MINPP1: variants seen among roughly 807,000 people sequenced by gnomAD.
The protein encoded by MINPP1 is multiple inositol-polyphosphate phosphatase 1.
A neutral mutation model predicts 46.1 loss-of-function variants in MINPP1; 28 were observed. The ratio of observed to expected loss-of-function variants is 0.61; its 90% CI spans 0.45 to 0.83. The LOEUF is 0.83. Among genes scored for constraint, MINPP1 ranks in the 40% least tolerant of loss-of-function variants. The probability of loss-of-function intolerance (pLI) is 0.00; values close to 1 mark genes in which losing one functional copy is unlikely to be tolerated. For missense variants in MINPP1, 603 were observed against 610.0 expected (o/e 0.99, Z 0.12); for synonymous variants, 268 against 249.1 (o/e 1.08, Z -0.72).
chr10:87,511,229 G>A (rs1851330044), intron 2 of MINPP1, among the ~76,000 whole-genome samples: 1 of 152,188 alleles, frequency 6.6e-6, no homozygotes, highest in African/African-American at 2.4e-5. Context: ...CTTGTTGTAT[G>A]TTGCTAATAT....
At chr10:87,525,070 CT>C (rs1310609234) in intron 4 of MINPP1, among the ~76,000 whole-genome samples, 1 of 152,128 alleles carries the variant, frequency 6.6e-6, no homozygotes, top group African/African-American at 2.4e-5. Context: ...TGCCACAAAC[CT>C]TCCATTTGTG....
chr10:87,512,458 C>A (rs1374350176), intron 2 of MINPP1, among the ~76,000 whole-genome samples: 3 of 152,064 alleles, frequency 2.0e-5, no homozygotes, highest in Admixed American at 6.6e-5. Context: ...CACTTCCTTC[C>A]CTCTCCATCT....
intron 4 of MINPP1, among the ~76,000 whole-genome samples, chr10:87,527,911 C>A (rs1851600581): frequency 6.6e-6 from 1 of 152,108 alleles, no homozygotes; most frequent in East Asian, 1.9e-4. Flanking sequence ...TTCAGGGATT[C>A]ACCTTCTTCC....
intron 4 of MINPP1, among the ~76,000 whole-genome samples, chr10:87,537,177 T>C (rs1366211588): frequency 6.6e-6 from 1 of 152,148 alleles, no homozygotes; most frequent in Non-Finnish European, 1.5e-5. Context: ...CCTCAGATAA[T>C]CCACCCACCT....
intron 4 of MINPP1, among the ~76,000 whole-genome samples, 180 bp downstream of exon 4, chr10:87,521,349 C>T (rs1851498875): frequency 6.6e-6 from 1 of 152,044 alleles, no homozygotes; most frequent in South Asian, 2.1e-4. Flanking sequence ...ACGAACCTTC[C>T]ACTCTACCCA....
intron 3 of MINPP1, among the ~76,000 whole-genome samples, chr10:87,515,504 GAAATT>G (rs1851400832): frequency 1.3e-5 from 2 of 152,116 alleles, no homozygotes; most frequent in Non-Finnish European, 2.9e-5. Context: ...CATGTGAAAA[GAAATT>G]AAATTCTTCT....
chr10:87,530,107 A>T (rs770931849), intron 4 of MINPP1, among the ~76,000 whole-genome samples: 1 of 152,158 alleles, frequency 6.6e-6, no homozygotes, highest in Non-Finnish European at 1.5e-5. Flanking sequence ...CCATTCGTCT[A>T]ATCTTTTTTC....
chr10:87,527,677 T>C (rs922979901), intron 4 of MINPP1, among the ~76,000 whole-genome samples: 2 of 152,090 alleles, frequency 1.3e-5, no homozygotes, highest in African/African-American at 4.8e-5. Context: ...AATTCTTTTT[T>C]TTTGTTGTGT....
chr10:87,551,456 CAGCTCAGTGTTG>C, intron 4 of MINPP1, among the ~76,000 whole-genome samples: 1 of 152,034 alleles, frequency 6.6e-6, no homozygotes, highest in African/African-American at 2.4e-5. Context: ...AGAATTGATT[CAGCTCAGTGTTG>C]AAAGTGGTTT....
intron 4 of MINPP1, among the ~76,000 whole-genome samples, chr10:87,547,188 T>G (rs549049124): frequency 1.3e-5 from 2 of 152,216 alleles, no homozygotes; most frequent in South Asian, 4.1e-4. Context: ...CTTGGCTCAC[T>G]GTGACCACTG....
chr10:87,527,724 A>G (rs546175925), intron 4 of MINPP1, among the ~76,000 whole-genome samples: 3 of 152,166 alleles, frequency 2.0e-5, no homozygotes, highest in African/African-American at 7.2e-5. Context: ...GGCCTCATAA[A>G]ATGAGTTAGG....
intron 4 of MINPP1, among the ~76,000 whole-genome samples, chr10:87,528,803 G>A (rs1294672232): frequency 1.3e-5 from 2 of 152,196 alleles, no homozygotes; most frequent in Non-Finnish European, 2.9e-5. Context: ...GATGTTGACA[G>A]TGGGGTGTTA....
At position 87,505,433 on chromosome 10, in the gene MINPP1, A is replaced by G; in HGVS notation, c.518A>G (p.Asn173Ser). The G allele has an allele frequency of 6.2e-7, 1 of 1,613,346 alleles. No homozygotes were observed. Among genetic ancestry groups the G allele is most frequent in the Non-Finnish European group, 8.5e-7 (1 of 1,179,680 alleles). Residue 173 changes from asparagine (N) to serine (S), a missense_variant, in exon 1 of 5, where the codon AAC (asparagine) becomes AGC (serine). By Grantham distance (46) the Asn-to-Ser change is conservative (BLOSUM62 1). Around this residue, in one of 3 missense-constraint regions of MINPP1, gnomAD observed 344 missense variants for 381.1 expected, o/e 0.90. Coordinates refer to ENST00000371996, the MANE Select transcript of MINPP1 (RefSeq NM_004897.5). The surrounding 1 kb of genome is among the most constrained non-coding windows in gnomAD (Gnocchi z 4.4). ...SLFPALFSRENYGRLRLITSS... is the reference protein window; with the variant it reads ...SLFPALFSRESYGRLRLITSS... ...TTCCCGGCCCTTTTCAGCCGTGAGAACTACGGCCGCCTGCGGCTCATCACC... is the reference window on the plus strand; with the variant it reads ...TTCCCGGCCCTTTTCAGCCGTGAGAGCTACGGCCGCCTGCGGCTCATCACC...
chr10:87,517,669 G>A (rs945979711), intron 3 of MINPP1, among the ~76,000 whole-genome samples: 1 of 151,926 alleles, frequency 6.6e-6, no homozygotes, highest in African/African-American at 2.4e-5. Flanking sequence ...TTTAGTTTGG[G>A]GCTATTATGA....
chr10:87,534,042 A>ATTT (rs58579107), intron 4 of MINPP1, among the ~76,000 whole-genome samples: 1 of 55,368 alleles, frequency 1.8e-5, no homozygotes, highest in African/African-American at 7.4e-5. Context: ...CTGGCTAAAT[A>ATTT]TTTTTTTTTT....
At chr10:87,547,604 G>A (rs1851906209) in intron 4 of MINPP1, among the ~76,000 whole-genome samples, 1 of 152,034 alleles carries the variant, frequency 6.6e-6, no homozygotes, top group African/African-American at 2.4e-5. Context: ...TGGATCTTTA[G>A]CACTTTTGGA....
rs975893685 is a variant in MINPP1, at chr10:87,505,903, A to G, written c.637+351A>G. ...AACTGAATTGCCCCTTCGAGCGCCA[A>G]CCCATCCCTTCCCCCTTCCCTGGCG... is the stretch of plus-strand genomic sequence containing the variant. On this transcript the variant is annotated intron_variant, in intron 1 of 4. Coordinates refer to ENST00000371996, the MANE Select transcript of MINPP1 (RefSeq NM_004897.5). This position sits in a 1 kb window ranked among gnomAD's most constrained non-coding sequence, Gnocchi z 4.4. Among the ~76,000 whole-genome samples the G allele has an allele frequency of 8.6e-5, 13 of 151,626 alleles. No homozygotes were observed. The highest frequency in any genetic ancestry group is 7.9e-4 in the Admixed American group (12 of 15,218).
intron 1 of MINPP1, among the ~76,000 whole-genome samples, chr10:87,506,349 A>C (rs567384233): frequency 6.6e-6 from 1 of 152,150 alleles, no homozygotes; most frequent in South Asian, 2.1e-4. Context: ...TTTTCCTAGA[A>C]TGGTTCTTTT....
intron 4 of MINPP1, among the ~76,000 whole-genome samples, chr10:87,528,735 C>T (rs1203578426): frequency 1.3e-5 from 2 of 152,158 alleles, no homozygotes; most frequent in East Asian, 3.8e-4. Flanking sequence ...CTGCTTGGTG[C>T]AGAGCTGAGT....
Sources: allele counts gnomAD v4.1 joint callset (sites outside exome capture counted in the v4.1 genomes callset), GRCh38; gene constraint gnomAD v4.1.1; regional missense constraint gnomAD v4.1.1; non-coding constraint Gnocchi (gnomAD v3.1); transcripts MANE v1.5; gene names NCBI Gene and HGNC (gene_info 2026-07-23, HGNC 2026-07-21).